The following PHF14 variants were observed in gnomAD, a reference collection of about 807,000 sequenced individuals.
PHF14 encodes PHD finger protein 14.
Under a neutral mutation model 117.9 loss-of-function variants are expected in PHF14, and 55 were observed. The observed-to-expected ratio is 0.47, with a 90% CI of 0.38 to 0.58. The LOEUF (loss-of-function observed/expected upper bound fraction) is 0.58, where lower values mean the gene tolerates loss of function less well. PHF14 is among the 20% of genes least tolerant of loss of function. The pLI, the probability that PHF14 is intolerant of heterozygous loss-of-function variation, is 0.00. For missense variants in PHF14, 978 were observed against 1,122.2 expected (o/e 0.87, Z 1.84); for synonymous variants, 409 against 368.6 (o/e 1.11, Z -1.26).
chr7:11,139,221 T>C (rs1164914969), intron 17 of PHF14, among the ~76,000 whole-genome samples: 2 of 152,192 alleles, frequency 1.3e-5, no homozygotes, highest in East Asian at 3.9e-4. Flanking sequence ...TTTACAGATT[T>C]ATTAAAAAAC....
chr7:11,083,464 A>ATTT (rs776573456), intron 16 of PHF14, among the ~76,000 whole-genome samples: 4,887 of 112,270 alleles, frequency 0.044, 450 homozygotes, highest in African/African-American at 0.14. Context: ...TGCTTTCCCT[A>ATTT]TTTTTTTTTT....
chr7:11,140,805 T>C (rs1788377761), intron 17 of PHF14, among the ~76,000 whole-genome samples: 1 of 152,138 alleles, frequency 6.6e-6, no homozygotes, highest in South Asian at 2.1e-4. Context: ...ATGCAAATGC[T>C]GGCATTATCT....
At chr7:10,984,825 G>T in intron 3 of PHF14, among the ~76,000 whole-genome samples, 1 of 152,052 alleles carries the variant, frequency 6.6e-6, no homozygotes, top group African/African-American at 2.4e-5. Flanking sequence ...TGGTTGTTTA[G>T]TTTTTTTTCC....
intron 16 of PHF14, among the ~76,000 whole-genome samples, chr7:11,089,525 C>T (rs185918224): frequency 1.3e-5 from 2 of 151,652 alleles, no homozygotes; most frequent in Non-Finnish European, 2.9e-5. Context: ...ACTCCATTCT[C>T]CACAAAAAGG....
At chr7:11,012,014 A>G (rs538033894) in intron 4 of PHF14, among the ~76,000 whole-genome samples, 20 of 152,150 alleles carry the variant, frequency 1.3e-4, no homozygotes, top group Non-Finnish European at 2.4e-4. Flanking sequence ...TGATGCTGAG[A>G]AAGTTATTTA....
intron 4 of PHF14, among the ~76,000 whole-genome samples, chr7:10,999,833 G>A (rs1239579817): frequency 6.6e-6 from 1 of 152,222 alleles, no homozygotes; most frequent in Non-Finnish European, 1.5e-5. Context: ...AGGATGTTGT[G>A]TCTATATAAA....
At chr7:11,169,230 T>G (rs1177669780) in intron 17 of PHF14, among the ~76,000 whole-genome samples, 186 bp from the exon 18 acceptor site, 1 of 152,162 alleles carries the variant, frequency 6.6e-6, no homozygotes, top group Non-Finnish European at 1.5e-5. Context: ...ACAGAAAATT[T>G]TAATGTGTTC....
chr7:11,070,404 G>A (rs1785575245), intron 16 of PHF14, among the ~76,000 whole-genome samples: 1 of 152,178 alleles, frequency 6.6e-6, no homozygotes, highest in South Asian at 2.1e-4. Context: ...GGAATGTATT[G>A]ATTTCATCTC....
At chr7:11,096,411 C>T (rs1236229926) in intron 16 of PHF14, among the ~76,000 whole-genome samples, 5 of 152,156 alleles carry the variant, frequency 3.3e-5, no homozygotes, top group Admixed American at 1.3e-4. Context: ...AATTATTCCT[C>T]ATCAGTAACT....
chr7:11,116,334 C>A (rs1297107466), intron 17 of PHF14, among the ~76,000 whole-genome samples: 1 of 151,952 alleles, frequency 6.6e-6, no homozygotes, highest in East Asian at 1.9e-4. Context: ...TATTTAGAAA[C>A]CAAGATCTGG....
At chr7:11,139,920 T>C (rs1788350716) in intron 17 of PHF14, among the ~76,000 whole-genome samples, 4 of 152,152 alleles carry the variant, frequency 2.6e-5, no homozygotes, top group Admixed American at 2.0e-4. Context: ...GATATTGACT[T>C]TGAGATTCTT....
intron 9 of PHF14, 129 bp downstream of exon 9, chr7:11,036,817 C>A: frequency 1.0e-6 from 1 of 995,716 alleles, no homozygotes; most frequent in Non-Finnish European, 1.5e-6. Context: ...TGTTTATTTT[C>A]CTAATATGTT....
At chr7:11,066,848 G>C (rs1157609248) in intron 16 of PHF14, among the ~76,000 whole-genome samples, 1 of 152,076 alleles carries the variant, frequency 6.6e-6, no homozygotes. Context: ...CGTTTTTCTG[G>C]ATCCTTTGCA....
chr7:10,979,147 A>G (rs1399238904), intron 2 of PHF14, among the ~76,000 whole-genome samples: 2 of 152,186 alleles, frequency 1.3e-5, no homozygotes, highest in Non-Finnish European at 2.9e-5. Flanking sequence ...TGGGGAGAAC[A>G]TTGGATATAA....
chr7:11,043,025 A>G (rs1487143758), intron 13 of PHF14, among the ~76,000 whole-genome samples: 2 of 152,046 alleles, frequency 1.3e-5, no homozygotes, highest in Admixed American at 6.6e-5. Context: ...TATCTTAGCA[A>G]TAGATTCTTC....
At chr7:11,154,970 A>G (rs183055688) in intron 17 of PHF14, among the ~76,000 whole-genome samples, 5 of 151,408 alleles carry the variant, frequency 3.3e-5, no homozygotes, top group East Asian at 3.9e-4. Context: ...ATTTAGCTAG[A>G]AAAAAAAAGC....
At chr7:11,077,863 A>C (rs1785926512) in intron 16 of PHF14, among the ~76,000 whole-genome samples, 1 of 152,186 alleles carries the variant, frequency 6.6e-6, no homozygotes, top group South Asian at 2.1e-4. Flanking sequence ...TCTATCTCAG[A>C]ATCTTCATAA....
chr7:11,152,776 T>C (rs1788737807), intron 17 of PHF14, among the ~76,000 whole-genome samples: 1 of 152,102 alleles, frequency 6.6e-6, no homozygotes, highest in African/African-American at 2.4e-5. Context: ...ATCTGAGTGA[T>C]GGAGGAAGGG....
Position 11,036,586 on chromosome 7 carries a change from G to C in PHF14, c.1771G>C (p.Asp591His). 1 of 1,613,882 alleles carries C rather than the reference G, an allele frequency of 6.2e-7. No individual in the cohort carries two copies. The highest frequency in any genetic ancestry group is 1.1e-5 in the South Asian group (1 of 91,078). Residue 591 changes from aspartate (D) to histidine (H), a missense_variant, in exon 9 of 18, where the codon GAT becomes CAT. Around this residue, in one of 7 missense-constraint regions of PHF14, gnomAD observed 237 missense variants for 276.4 expected, o/e 0.86. Coordinates refer to ENST00000634607, the MANE Select transcript of PHF14 (RefSeq NM_001007157.2). ...RKAELMGIST[D>H]IFPVDNSDTS... Reference sequence around the variant, plus strand: ...AGCAGAACTCATGGGGATCAGTACAGATATCTTTCCAGTGGACAATTCAGA... The same window carrying C: ...AGCAGAACTCATGGGGATCAGTACACATATCTTTCCAGTGGACAATTCAGA...
Sources: allele counts gnomAD v4.1 joint callset (sites outside exome capture counted in the v4.1 genomes callset), GRCh38; gene constraint gnomAD v4.1.1; regional missense constraint gnomAD v4.1.1; transcripts MANE v1.5; gene names NCBI Gene and HGNC (gene_info 2026-07-23, HGNC 2026-07-21).